Variants in DNAI4 observed in about 807,000 individuals in gnomAD.
DNAI4 encodes dynein axonemal intermediate chain 4.
Under a neutral mutation model 105.8 loss-of-function variants are expected in DNAI4, and 85 were observed. That is an observed-to-expected ratio of 0.80 (90% CI 0.67 to 0.96). The LOEUF is 0.96. Ranked by LOEUF, DNAI4 falls within the 40% of genes least tolerant of loss-of-function variation. DNAI4 has a pLI of 0.00. For missense variants in DNAI4, 1,014 were observed against 1,005.6 expected (o/e 1.01, Z -0.11); for synonymous variants, 352 against 331.5 (o/e 1.06, Z -0.67).
At chr1:66,833,222 A>G (rs567861576) in intron 13 of DNAI4, among the ~76,000 whole-genome samples, 1 of 152,216 alleles carries the variant, frequency 6.6e-6, no homozygotes, top group Non-Finnish European at 1.5e-5. Context: ...TTTTAAAAAA[A>G]AGCTTTATTG....
chr1:66,862,427 G>T, intron 6 of DNAI4, 125 bp from the exon 7 acceptor site: 1 of 1,033,206 alleles, frequency 9.7e-7, no homozygotes, highest in Non-Finnish European at 1.4e-6. Context: ...GCAGTTGCCC[G>T]TGCCAGCTAC....
intron 7 of DNAI4, among the ~76,000 whole-genome samples, chr1:66,861,529 A>G (rs1250549343): frequency 6.6e-6 from 1 of 152,208 alleles, no homozygotes; most frequent in Non-Finnish European, 1.5e-5. Context: ...TATTGATTTT[A>G]ATTATAACAT....
At chr1:66,869,523 T>C (rs1017619805) in intron 6 of DNAI4, among the ~76,000 whole-genome samples, 1 of 152,164 alleles carries the variant, frequency 6.6e-6, no homozygotes, top group Admixed American at 6.5e-5. Flanking sequence ...TTACTACATA[T>C]TAATATTTGG....
chr1:66,875,513 C>T, intron 4 of DNAI4, among the ~76,000 whole-genome samples: 1 of 152,008 alleles, frequency 6.6e-6, no homozygotes, highest in East Asian at 1.9e-4. Flanking sequence ...AAATAATTGG[C>T]CATAAACCTT....
rs1648032446 is a variant in DNAI4, at chr1:66,893,395, T to C, written c.364A>G (p.Thr122Ala). 1.3e-6 allele frequency: 2 copies of C among 1,566,238 alleles called. No homozygotes were observed. The highest frequency in any genetic ancestry group is 1.7e-4 in the Middle Eastern group (1 of 5,894). Residue 122 changes from threonine (T) to alanine (A), a missense_variant, in exon 3 of 17, where the codon ACT (threonine) becomes GCT (alanine). By Grantham distance (58) the Thr-to-Ala change is moderately conservative. Coordinates refer to ENST00000371026, the MANE Select transcript of DNAI4 (RefSeq NM_024763.5). Reference sequence around the variant, plus strand: ...TAAAGAGGTCGGGGAGTAACATCAGTTCCATTTATGTCAAATACCTGTTAA... The same window carrying C: ...TAAAGAGGTCGGGGAGTAACATCAGCTCCATTTATGTCAAATACCTGTTAA... ...KTTQVFDING[T>A]DVTPRPLYHP...
chr1:66,833,801 G>A (rs1378476182), intron 12 of DNAI4, 95 bp from the exon 13 acceptor site: 2 of 1,480,510 alleles, frequency 1.4e-6, no homozygotes, highest in South Asian at 1.3e-5. Context: ...AATAATATTA[G>A]TTCTGCCAAC....
Position 66,898,564 on chromosome 1 carries a change from A to G in DNAI4, c.346-5151T>C, listed in dbSNP as rs997431480. On this transcript the variant is annotated intron_variant, in intron 2 of 16. Transcript: ENST00000371026. The stretch of plus-strand genomic sequence containing the variant: ...GTCTGTTATAAAAGTCAGTTTCTCC[A>G]TCTCTTGTGAGCACTCCTCACCATG... Among the ~76,000 whole-genome samples the G allele has an allele frequency of 4.6e-5, 7 of 152,148 alleles. No homozygotes were observed. In the South Asian group the frequency reaches 1.5e-3, roughly 32 times the overall value.
At chr1:66,886,057 T>A (rs1647193127) in intron 4 of DNAI4, among the ~76,000 whole-genome samples, 2 of 152,186 alleles carry the variant, frequency 1.3e-5, no homozygotes, top group African/African-American at 2.4e-5. Flanking sequence ...TCTCTTCGCA[T>A]TTTAGTTTGG....
At chr1:66,906,487 T>A (rs889533611) in intron 1 of DNAI4, among the ~76,000 whole-genome samples, 11 of 152,296 alleles carry the variant, frequency 7.2e-5, no homozygotes, top group African/African-American at 2.6e-4. Flanking sequence ...TAAATAACGA[T>A]CAATCCAGTT....
At chr1:66,831,079 A>C (rs1212375962) in intron 13 of DNAI4, among the ~76,000 whole-genome samples, 1 of 151,806 alleles carries the variant, frequency 6.6e-6, no homozygotes, top group African/African-American at 2.4e-5. Flanking sequence ...AACTTCAATA[A>C]AATAGACAAA....
chr1:66,881,652 G>C (rs1569740832), intron 4 of DNAI4, among the ~76,000 whole-genome samples: 2 of 152,276 alleles, frequency 1.3e-5, no homozygotes, highest in Admixed American at 1.3e-4. Context: ...CAGGCTCATA[G>C]GCAGAAGGGA....
intron 11 of DNAI4, among the ~76,000 whole-genome samples, chr1:66,834,680 TA>T (rs1274890862): frequency 1.3e-5 from 2 of 152,122 alleles, no homozygotes; most frequent in Non-Finnish European, 2.9e-5. Flanking sequence ...TCTGAAAAAT[TA>T]AACTCACTTC....
chr1:66,862,428 T>C (rs934791554), intron 6 of DNAI4, 126 bp from the exon 7 acceptor site: 1 of 1,009,392 alleles, frequency 9.9e-7, no homozygotes. Context: ...CAGTTGCCCG[T>C]GCCAGCTACT....
chr1:66,835,309 T>C (rs1013610643), intron 11 of DNAI4, among the ~76,000 whole-genome samples: 3 of 152,138 alleles, frequency 2.0e-5, no homozygotes, highest in Non-Finnish European at 4.4e-5. Context: ...ATGATAAAGG[T>C]ATGTATAGGT....
intron 5 of DNAI4, among the ~76,000 whole-genome samples, chr1:66,873,702 C>T (rs1646898038): frequency 6.6e-6 from 1 of 152,158 alleles, no homozygotes; most frequent in African/African-American, 2.4e-5. Flanking sequence ...ACAAGAATCT[C>T]TCTTTCAGCT....
intron 2 of DNAI4, among the ~76,000 whole-genome samples, chr1:66,894,053 T>C (rs111784685): frequency 6.6e-6 from 1 of 152,210 alleles, no homozygotes; most frequent in Non-Finnish European, 1.5e-5. Context: ...ATAATAATAA[T>C]AAATTATGCT....
At chr1:66,882,518 C>T (rs1031843888) in intron 4 of DNAI4, among the ~76,000 whole-genome samples, 1 of 151,890 alleles carries the variant, frequency 6.6e-6, no homozygotes, top group Non-Finnish European at 1.5e-5. Flanking sequence ...TGCTCTCTCT[C>T]TCTCTCTTTT....
At chr1:66,880,896 G>A (rs1487898024) in intron 4 of DNAI4, among the ~76,000 whole-genome samples, 1 of 152,140 alleles carries the variant, frequency 6.6e-6, no homozygotes, top group African/African-American at 2.4e-5. Flanking sequence ...TTTGTGGGCT[G>A]GGCCCAGGGT....
intron 9 of DNAI4, 131 bp from the exon 10 acceptor site, chr1:66,837,927 C>G: frequency 1.2e-6 from 1 of 843,488 alleles, no homozygotes; most frequent in Non-Finnish European, 1.8e-6. Context: ...GGAAAAAATG[C>G]CAGTACACCA....
Sources: gnomAD v4.1 joint callset for allele counts (sites outside exome capture counted in the v4.1 genomes callset) on GRCh38, gnomAD v4.1.1 for gene constraint, MANE v1.5 for transcripts, NCBI Gene and HGNC (gene_info 2026-07-23, HGNC 2026-07-21) for gene names.